The following WDR1 variants were observed in gnomAD, a reference collection of about 807,000 sequenced individuals.
WDR1 encodes WD repeat domain 1, also known as WD repeat-containing protein 1.
In WDR1, 21 loss-of-function variants were observed where a neutral mutation model predicts 71.9. That is an observed-to-expected ratio of 0.29 (90% CI 0.21 to 0.42). The LOEUF is 0.42. WDR1 is among the 10% of genes least tolerant of loss of function. The pLI is 1.00. For synonymous variants in WDR1, 424 were observed against 347.4 expected (o/e 1.22, Z -2.45); for missense variants, 696 against 824.5 (o/e 0.84, Z 1.91).
intron 2 of WDR1, among the ~76,000 whole-genome samples, chr4:10,111,893 C>T (rs1577080471): frequency 6.6e-6 from 1 of 151,224 alleles, no homozygotes; most frequent in African/African-American, 2.4e-5. Flanking sequence ...AAACCTTGCA[C>T]TCCCGGAAAC....
At chr4:10,106,534 C>G (rs946921627) in intron 2 of WDR1, 4 of 152,304 alleles carry the variant, frequency 2.6e-5, no homozygotes, top group Non-Finnish European at 5.9e-5. Flanking sequence ...GACCTCCTCC[C>G]CAGGCCGTGC....
At chr4:10,112,132 G>A (rs910011978) in intron 2 of WDR1, among the ~76,000 whole-genome samples, 1 of 151,888 alleles carries the variant, frequency 6.6e-6, no homozygotes, top group African/African-American at 2.4e-5. Context: ...TTTTATTGTA[G>A]GATGGTCCCG....
At chr4:10,106,585 G>C (rs1399179851) in intron 2 of WDR1, 1 of 152,254 alleles carries the variant, frequency 6.6e-6, no homozygotes, top group African/African-American at 2.4e-5. Context: ...CTTCCGCTGG[G>C]GAGGGCATCC....
chr4:10,115,567 A>G (rs1713660810), intron 2 of WDR1, among the ~76,000 whole-genome samples: 1 of 152,146 alleles, frequency 6.6e-6, no homozygotes, highest in Non-Finnish European at 1.5e-5. Flanking sequence ...CTCAAAGTGC[A>G]CCAGGCACCG....
At chr4:10,107,092 A>G (rs1395387720) in intron 2 of WDR1, among the ~76,000 whole-genome samples, 1 of 152,210 alleles carries the variant, frequency 6.6e-6, no homozygotes, top group Non-Finnish European at 1.5e-5. Context: ...AGCCAATTCC[A>G]GGAGCCCCAG....
In WDR1 at chr4:10,097,689, C is replaced by T. The variant is rs750695198; in HGVS notation, c.558+22G>A. ...CCTCATGTACAAACCACAAATTTCA[C>T]CCAAAAAGTAAGTTCACTTACGCCA... On this transcript the variant is annotated intron_variant, in intron 5 of 14. Coordinates refer to ENST00000499869, the MANE Select transcript of WDR1 (RefSeq NM_017491.5). The T allele has an allele frequency of 3.8e-6, 6 of 1,599,084 alleles. No homozygotes were observed. The East Asian group carries it at 1.1e-4, about 30-fold the overall frequency.
In WDR1 at chr4:10,099,021, C is replaced by T; in HGVS notation, c.348G>A (p.Arg116=). The T allele has an allele frequency of 6.2e-7, 1 of 1,614,046 alleles. No homozygotes were observed. Among genetic ancestry groups the T allele is most frequent in the Middle Eastern group, 1.7e-4 (1 of 6,060 alleles). The change falls in exon 4 of 15, where the codon AGG becomes AGA. Residue 116 remains arginine, a synonymous_variant. Coordinates refer to ENST00000499869, the MANE Select transcript of WDR1 (RefSeq NM_017491.5). ...KDIAWTEDSK[R]IAVVGEGREK... ...CCCTTCCTTCCCCGACCACGGCGAT[C>T]CTCTTACTGTCTTCAGTCCAAGCAA...
chr4:10,110,808 C>T (rs960922879), intron 2 of WDR1, among the ~76,000 whole-genome samples: 3 of 152,214 alleles, frequency 2.0e-5, no homozygotes, highest in Non-Finnish European at 2.9e-5. Flanking sequence ...TGTACCTTGT[C>T]GGATGTTTGG....
intron 5 of WDR1, chr4:10,092,485 C>A: frequency 6.5e-6 from 1 of 153,496 alleles, no homozygotes; most frequent in Non-Finnish European, 1.5e-5. Flanking sequence ...TCTGCCGACG[C>A]CTCCCACAGG....
chr4:10,111,214 C>T (rs1713335749), intron 2 of WDR1, among the ~76,000 whole-genome samples: 1 of 152,202 alleles, frequency 6.6e-6, no homozygotes, highest in African/African-American at 2.4e-5. Context: ...GTGTGAGCCA[C>T]CTGCCACCAC....
intron 6 of WDR1, 117 bp downstream of exon 6, chr4:10,088,547 A>G: frequency 8.8e-7 from 1 of 1,131,132 alleles, no homozygotes; most frequent in Non-Finnish European, 1.3e-6. Flanking sequence ...AGATGTGGGG[A>G]GGGCGATGTC....
intron 8 of WDR1, among the ~76,000 whole-genome samples, chr4:10,085,482 A>G (rs1396754940): frequency 6.6e-6 from 1 of 152,142 alleles, no homozygotes; most frequent in Non-Finnish European, 1.5e-5. Flanking sequence ...CCTCCTTCCA[A>G]TGTGGCATCC....
intron 11 of WDR1, among the ~76,000 whole-genome samples, 169 bp downstream of exon 11, chr4:10,081,188 G>A (rs762722389): frequency 6.6e-6 from 1 of 152,240 alleles, no homozygotes; most frequent in African/African-American, 2.4e-5. Context: ...CTGTACAACT[G>A]ATGTGATGGT....
At chr4:10,096,920 A>G (rs2109674759) in intron 5 of WDR1, among the ~76,000 whole-genome samples, 1 of 152,292 alleles carries the variant, frequency 6.6e-6, no homozygotes, top group East Asian at 1.9e-4. Flanking sequence ...CACAAGCGGG[A>G]TGGGGAAAGC....
At chr4:10,094,479 G>A (rs1460460373) in intron 5 of WDR1, among the ~76,000 whole-genome samples, 8 of 152,212 alleles carry the variant, frequency 5.3e-5, no homozygotes, top group Non-Finnish European at 2.9e-5. Flanking sequence ...CTGGCATGAA[G>A]ACATCCCCAT....
At chr4:10,115,093 C>T (rs1015168577) in intron 2 of WDR1, among the ~76,000 whole-genome samples, 1 of 152,232 alleles carries the variant, frequency 6.6e-6, no homozygotes, top group Non-Finnish European at 1.5e-5. Context: ...AGTTGACAAC[C>T]CTTGTATGCC....
intron 2 of WDR1, chr4:10,106,355 A>G (rs1713015403): frequency 6.6e-6 from 1 of 152,256 alleles, no homozygotes; most frequent in Non-Finnish European, 1.5e-5. Flanking sequence ...ACACATCCCT[A>G]CCCAAAGCAC....
chr4:10,113,150 G>A (rs1713495272), intron 2 of WDR1, among the ~76,000 whole-genome samples: 1 of 152,146 alleles, frequency 6.6e-6, no homozygotes, highest in African/African-American at 2.4e-5. Context: ...CTTGAGGTTG[G>A]GAGTTCAAGA....
At chr4:10,104,105 G>T in intron 2 of WDR1, 119 bp from the exon 3 acceptor site, 1 of 1,104,782 alleles carries the variant, frequency 9.1e-7, no homozygotes, top group Non-Finnish European at 1.3e-6. Flanking sequence ...AGCTAAAACC[G>T]TGAAGAAAAC....
Sources: gnomAD v4.1 joint callset for allele counts (sites outside exome capture counted in the v4.1 genomes callset) on GRCh38, gnomAD v4.1.1 for gene constraint, MANE v1.5 for transcripts, NCBI Gene and HGNC (gene_info 2026-07-23, HGNC 2026-07-21) for gene names.